Variants in GNAQ observed in about 807,000 individuals in gnomAD.
The protein encoded by GNAQ is G protein subunit alpha q.
Under a neutral mutation model 43.9 loss-of-function variants are expected in GNAQ, and 8 were observed. That is an observed-to-expected ratio of 0.18 (90% confidence interval 0.11 to 0.33). The LOEUF is 0.33. GNAQ is among the 10% of genes least tolerant of loss of function. The pLI, the probability that GNAQ is intolerant of heterozygous loss-of-function variation, is 1.00. For missense variants in GNAQ, 158 were observed against 450.8 expected, an observed-to-expected ratio of 0.35 and a Z score of 5.88; for synonymous variants, 155 against 170.7, an observed-to-expected ratio of 0.91 and a Z score of 0.71.
intron 5 of GNAQ, among the ~76,000 whole-genome samples, chr9:77,783,410 G>T (rs12551671): frequency 0.59 from 89,233 of 152,040 alleles, 27,421 homozygotes; most frequent in Middle Eastern, 0.71. Context: ...GGTACTTTTT[G>T]GGTATATGAA....
intron 2 of GNAQ, among the ~76,000 whole-genome samples, chr9:77,887,754 T>C (rs1254853068): frequency 1.3e-5 from 2 of 152,228 alleles, no homozygotes; most frequent in Admixed American, 1.3e-4. Flanking sequence ...GTTATATTAA[T>C]ATATAACATA....
At chr9:77,915,290 C>A (rs1313437583) in intron 2 of GNAQ, among the ~76,000 whole-genome samples, 1 of 150,004 alleles carries the variant, frequency 6.7e-6, no homozygotes, top group South Asian at 2.2e-4. Flanking sequence ...TCCTTAAATA[C>A]CTCCTAAATC....
intron 1 of GNAQ, among the ~76,000 whole-genome samples, chr9:77,942,490 G>C (rs551796629): frequency 2.0e-5 from 3 of 152,308 alleles, no homozygotes; most frequent in Admixed American, 6.5e-5. Flanking sequence ...TGGCTGGACA[G>C]AGCAGAAACA....
chr9:77,899,919 G>A (rs906003089), intron 2 of GNAQ, among the ~76,000 whole-genome samples: 1 of 152,186 alleles, frequency 6.6e-6, no homozygotes, highest in East Asian at 1.9e-4. Flanking sequence ...CATTCTAGCA[G>A]AGCAAATTCT....
At position 77,986,324 on chromosome 9, in the gene GNAQ, T is replaced by C. The variant is rs146201682; in HGVS notation, c.136+44776A>G. ...AGCTTCACAGTATTGTGCACCCTGGTCCAGATTCAGATTTGACATTTGAGG... is the reference window on the plus strand; with the variant it reads ...AGCTTCACAGTATTGTGCACCCTGGCCCAGATTCAGATTTGACATTTGAGG... On this transcript the variant is annotated intron_variant, in intron 1 of 6. Transcript: ENST00000286548. Among the ~76,000 whole-genome samples the C allele has an allele frequency of 2.8e-4, 43 of 152,290 alleles. 1 individual carries two copies. In the East Asian group the frequency reaches 7.3e-3, roughly 26 times the overall value.
chr9:77,923,764 A>AAAAG (rs901198250), intron 1 of GNAQ, among the ~76,000 whole-genome samples: 3 of 152,146 alleles, frequency 2.0e-5, no homozygotes, highest in African/African-American at 4.8e-5. Flanking sequence ...AAAGCTGAGA[A>AAAAG]AAAGAAAGAA....
At chr9:77,879,525 C>T (rs1828178330) in intron 2 of GNAQ, among the ~76,000 whole-genome samples, 1 of 152,180 alleles carries the variant, frequency 6.6e-6, no homozygotes, top group East Asian at 1.9e-4. Flanking sequence ...GCTGGGATTA[C>T]AGGCATGAGC....
intron 1 of GNAQ, among the ~76,000 whole-genome samples, chr9:77,949,614 C>A (rs1822952241): frequency 2.6e-5 from 4 of 152,132 alleles, no homozygotes; most frequent in Admixed American, 2.0e-4. Flanking sequence ...CTAGACCTGA[C>A]AGCTCTGGAA....
chr9:77,779,680 C>CAAAAAAAAAAAAAAAAAAAAAAAAAAAA (rs58014303), intron 5 of GNAQ, among the ~76,000 whole-genome samples: 1 of 95,942 alleles, frequency 1.0e-5, no homozygotes, highest in Non-Finnish European at 2.1e-5. Context: ...AAAAACAAAA[C>CAAAAAAAAAAAAAAAAAAAAAAAAAAAA]AAAAAAAAAA....
chr9:77,962,769 G>A (rs1340650022), intron 1 of GNAQ, among the ~76,000 whole-genome samples: 2 of 151,764 alleles, frequency 1.3e-5, no homozygotes, highest in African/African-American at 4.8e-5. Flanking sequence ...GCAGGCACCT[G>A]TAATCCCAGC....
At chr9:77,748,100 C>A (rs1825757493) in intron 5 of GNAQ, among the ~76,000 whole-genome samples, 1 of 152,134 alleles carries the variant, frequency 6.6e-6, no homozygotes, top group Non-Finnish European at 1.5e-5. Flanking sequence ...CTCTGGGGTC[C>A]AGTTTCCAAA....
chr9:77,878,597 C>T (rs1375026725), intron 2 of GNAQ, among the ~76,000 whole-genome samples: 1 of 151,150 alleles, frequency 6.6e-6, no homozygotes, highest in African/African-American at 2.4e-5. Flanking sequence ...TTATTTCAAC[C>T]CCTAATTATT....
chr9:77,840,863 A>G (rs889421492), intron 2 of GNAQ, among the ~76,000 whole-genome samples: 4 of 152,156 alleles, frequency 2.6e-5, no homozygotes, highest in African/African-American at 9.7e-5. Flanking sequence ...GCCCAGGGTC[A>G]CAATTCATAC....
chr9:77,969,296 C>T (rs538356962), intron 1 of GNAQ, among the ~76,000 whole-genome samples: 1 of 152,276 alleles, frequency 6.6e-6, no homozygotes, highest in African/African-American at 2.4e-5. Flanking sequence ...TTCTAACACA[C>T]CCGAATTACC....
intron 5 of GNAQ, among the ~76,000 whole-genome samples, chr9:77,779,688 A>C (rs555697282): frequency 0.046 from 6,784 of 148,358 alleles, 272 homozygotes; most frequent in Admixed American, 0.12. Flanking sequence ...AACAAAAAAA[A>C]AAAAAAAAAA....
At chr9:77,870,324 GTTTTT>G (rs781464413) in intron 2 of GNAQ, among the ~76,000 whole-genome samples, 3 of 111,130 alleles carry the variant, frequency 2.7e-5, no homozygotes, top group Middle Eastern at 4.7e-3. Flanking sequence ...TTTGGTGCTA[GTTTTT>G]TTTTTTTTTT....
chr9:77,997,834 AAG>A (rs1440087146), intron 1 of GNAQ, among the ~76,000 whole-genome samples: 1 of 152,028 alleles, frequency 6.6e-6, no homozygotes, highest in African/African-American at 2.4e-5. Context: ...AGGGCATCTC[AAG>A]AGAGTTTTGC....
intron 2 of GNAQ, among the ~76,000 whole-genome samples, chr9:77,896,686 C>A (rs929084132): frequency 4.6e-5 from 7 of 152,172 alleles, no homozygotes; most frequent in African/African-American, 1.7e-4. Context: ...CATGCACTAA[C>A]AACATTTTGT....
intron 2 of GNAQ, among the ~76,000 whole-genome samples, chr9:77,833,291 A>T (rs1047453485): frequency 6.6e-6 from 1 of 152,154 alleles, no homozygotes; most frequent in Non-Finnish European, 1.5e-5. Context: ...TTAAAATATC[A>T]TCTACTAGCT....
Sources: allele counts gnomAD v4.1 joint callset (sites outside exome capture counted in the v4.1 genomes callset), GRCh38; gene constraint gnomAD v4.1.1; transcripts MANE v1.5; gene names NCBI Gene and HGNC (gene_info 2026-07-23, HGNC 2026-07-21).